Variants in TP73 observed in about 807,000 individuals in gnomAD.
The protein encoded by TP73 is tumor protein p73, also known as p53-like transcription factor.
In TP73, 25 loss-of-function variants were observed where a neutral mutation model predicts 62.5. The observed-to-expected ratio is 0.40, with a 90% CI of 0.29 to 0.56. The LOEUF is 0.56. Among genes scored for constraint, TP73 ranks in the 20% least tolerant of loss-of-function variants. The probability of loss-of-function intolerance (pLI) is 0.46; values close to 1 mark genes in which losing one functional copy is unlikely to be tolerated. For synonymous variants in TP73, 423 were observed against 377.5 expected (o/e 1.12, Z -1.40); for missense variants, 754 against 913.3 (o/e 0.83, Z 2.25).
intron 4 of TP73, among the ~76,000 whole-genome samples, chr1:3,720,692 T>C (rs189648315): frequency 6.6e-6 from 1 of 152,364 alleles, no homozygotes; most frequent in Non-Finnish European, 1.5e-5. Context: ...TGGCTTTTCG[T>C]GTGCCTGCAC....
intron 1 of TP73, among the ~76,000 whole-genome samples, chr1:3,665,236 C>T (rs1016451255): frequency 4.6e-5 from 7 of 152,154 alleles, no homozygotes; most frequent in Middle Eastern, 3.4e-3. Context: ...TGATCAGGGA[C>T]GGCTCCTTGA....
At chr1:3,689,811 G>A (rs1467869036) in intron 3 of TP73, among the ~76,000 whole-genome samples, 1 of 152,202 alleles carries the variant, frequency 6.6e-6, no homozygotes, top group African/African-American at 2.4e-5. Flanking sequence ...GGGACTGGAA[G>A]TGTGGGTCCG....
chr1:3,726,467 G>A (rs1557580511), intron 6 of TP73, among the ~76,000 whole-genome samples: 1 of 133,262 alleles, frequency 7.5e-6, no homozygotes, highest in Non-Finnish European at 1.5e-5. Flanking sequence ...GTGGATGGAT[G>A]GATTGATATT....
At chr1:3,692,570 G>A (rs970078990) in intron 3 of TP73, among the ~76,000 whole-genome samples, 3 of 152,254 alleles carry the variant, frequency 2.0e-5, no homozygotes, top group African/African-American at 7.2e-5. Context: ...CTCCTGGGGG[G>A]CTGCCTTGTA....
rs989676082 is a variant in TP73, at chr1:3,732,905, C to T, written c.1737C>T (p.Arg579=). ...ISIGGSGELQ[R]QRVMEAVHFR... ...TCGGCGGCTCAGGGGAACTGCAGCG[C>T]CAGCGGGTCATGGAGGCCGTGCACT... is the stretch of plus-strand genomic sequence containing the variant. Residue 579 remains arginine, a synonymous_variant, in exon 14 of 14, where the codon CGC becomes CGT. Coordinates refer to ENST00000378295, the MANE Select transcript of TP73 (RefSeq NM_005427.4). 1 of 1,611,276 alleles carries T rather than the reference C, an allele frequency of 6.2e-7. No homozygotes were observed. The highest frequency in any genetic ancestry group is 1.7e-5 in the Admixed American group (1 of 59,908).
intron 6 of TP73, 84 bp from the exon 7 acceptor site, chr1:3,727,031 C>G: frequency 8.4e-7 from 1 of 1,190,710 alleles, no homozygotes; most frequent in South Asian, 1.4e-5. Context: ...GAGCCAGGAC[C>G]AGACATGGAG....
chr1:3,656,133 G>GCACTA (rs1644860579), intron 1 of TP73, among the ~76,000 whole-genome samples: 1 of 148,918 alleles, frequency 6.7e-6, no homozygotes, highest in Non-Finnish European at 1.5e-5. Flanking sequence ...CTGAGATCAC[G>GCACTA]CACTACACTC....
intron 11 of TP73, 83 bp from the exon 12 acceptor site, chr1:3,730,844 C>A: frequency 6.7e-7 from 1 of 1,483,340 alleles, no homozygotes; most frequent in South Asian, 1.3e-5. Flanking sequence ...CCCTGGTGTC[C>A]AGAGGTGTCT....
At chr1:3,702,904 G>T (rs3765744) in intron 3 of TP73, among the ~76,000 whole-genome samples, 1 of 152,234 alleles carries the variant, frequency 6.6e-6, no homozygotes. Context: ...GGGAGACCCC[G>T]GGCTCCTGTG....
chr1:3,699,239 C>T lies in TP73; in HGVS notation c.187-8310C>T, dbSNP rs183889817. Among the ~76,000 whole-genome samples the T allele has an allele frequency of 1.3e-3, 197 of 152,260 alleles. 1 individual carries two copies. Among genetic ancestry groups the T allele is most frequent in the African/African-American group, 4.6e-3 (190 of 41,556 alleles). ...AAGTACCGGCAGGACGGAGGTCTTG[C>T]CCTGGTGGGATGGGCTCTCTTCCTC... On this transcript the variant is annotated intron_variant, in intron 3 of 13. Transcript: ENST00000378295. This position sits in a 1 kb window ranked among gnomAD's most constrained non-coding sequence, Gnocchi z 4.1.
rs1349017333 is a variant in TP73 at position 3,663,280 on chromosome 1, T to G, written c.-34+10639T>G. Among the ~76,000 whole-genome samples the G allele has an allele frequency of 1.3e-5, 2 of 152,242 alleles. No homozygotes were observed. Among genetic ancestry groups the G allele is most frequent in the Middle Eastern group, 3.4e-3 (1 of 294 alleles). On this transcript the variant is annotated intron_variant, in intron 1 of 13. Transcript: ENST00000378295. This position sits in a 1 kb window ranked among gnomAD's most constrained non-coding sequence, Gnocchi z 4.7. ...TGCCGTACCAGTAATGAAAGACAAG[T>G]TAACAAGAGGGCCGTGCAGGCTTAT...
chr1:3,708,973 C>T (rs1399272434), intron 4 of TP73, among the ~76,000 whole-genome samples: 1 of 152,220 alleles, frequency 6.6e-6, no homozygotes, highest in Admixed American at 6.5e-5. Flanking sequence ...GAGCAAGGGG[C>T]CCCTCAGGTT....
intron 4 of TP73, among the ~76,000 whole-genome samples, chr1:3,717,618 C>T (rs951844919): frequency 2.0e-5 from 3 of 152,216 alleles, no homozygotes; most frequent in African/African-American, 7.2e-5. Flanking sequence ...AGTCCTCCTC[C>T]TCCTGCCCGT....
intron 1 of TP73, among the ~76,000 whole-genome samples, chr1:3,657,707 A>C (rs1644893651): frequency 6.6e-6 from 1 of 152,184 alleles, no homozygotes; most frequent in South Asian, 2.1e-4. Flanking sequence ...TCTTTTCAGG[A>C]CGAGGATCTT....
At position 3,696,040 on chromosome 1, in the gene TP73, A is replaced by G. The variant is rs977985077; in HGVS notation, c.187-11509A>G. On this transcript the variant is annotated intron_variant, in intron 3 of 13. Coordinates refer to ENST00000378295, the MANE Select transcript of TP73 (RefSeq NM_005427.4). The surrounding 1 kb of genome is among the most constrained non-coding windows in gnomAD (Gnocchi z 4.1). ...GCTGTGTTGGAGATGCCCGGCAGCC[A>G]TTGCATAGCTGAGAAGGAGCCGCAT... is the stretch of plus-strand genomic sequence containing the variant. Among the ~76,000 whole-genome samples the G allele has an allele frequency of 5.3e-5, 8 of 152,204 alleles. No individual in the cohort carries two copies. Among genetic ancestry groups the G allele is most frequent in the Non-Finnish European group, 8.8e-5 (6 of 68,024 alleles).
At chr1:3,708,866 C>T (rs1181553722) in intron 4 of TP73, among the ~76,000 whole-genome samples, 7 of 152,236 alleles carry the variant, frequency 4.6e-5, no homozygotes. Flanking sequence ...GCAGCGTCCC[C>T]TCCCCCACGA....
At chr1:3,721,940 C>A in intron 4 of TP73, 81 bp from the exon 5 acceptor site, 1 of 1,419,962 alleles carries the variant, frequency 7.0e-7, no homozygotes, top group Non-Finnish European at 9.5e-7. Flanking sequence ...ATGGGGAGGA[C>A]GTGGCTCCCA....
At position 3,696,654 on chromosome 1, in the gene TP73, C is replaced by T. The variant is rs1077603; in HGVS notation, c.187-10895C>T. Among the ~76,000 whole-genome samples the T allele has an allele frequency of 0.11, 16,160 of 152,004 alleles. 1,039 individuals are homozygous for T. The highest frequency in any genetic ancestry group is 0.16 in the Admixed American group (2,466 of 15,262). ...TTGGCAACCCAGAGGCTGCTGAGTT[C>T]CCACGGTTTGGAGAGGGCAGGGCCC... On this transcript the variant is annotated intron_variant, in intron 3 of 13. Transcript: ENST00000378295. This position sits in a 1 kb window ranked among gnomAD's most constrained non-coding sequence, Gnocchi z 4.1.
At chr1:3,654,711 C>T (rs1055479345) in intron 1 of TP73, among the ~76,000 whole-genome samples, 1 of 152,170 alleles carries the variant, frequency 6.6e-6, no homozygotes, top group Non-Finnish European at 1.5e-5. Flanking sequence ...GACCCGGCTC[C>T]TTAGTATCTG....
Sources: gnomAD v4.1 joint callset for allele counts (sites outside exome capture counted in the v4.1 genomes callset) on GRCh38, gnomAD v4.1.1 for gene constraint, Gnocchi (gnomAD v3.1) non-coding constraint, MANE v1.5 for transcripts, NCBI Gene and HGNC (gene_info 2026-07-23, HGNC 2026-07-21) for gene names.